Variants in SV2C observed in about 807,000 individuals in gnomAD.
SV2C encodes the protein solute carrier family 22 member B3.
Under a neutral mutation model 79.7 loss-of-function variants are expected in SV2C, and 49 were observed. The ratio of observed to expected loss-of-function variants is 0.61; its 90% CI spans 0.49 to 0.78. The LOEUF (loss-of-function observed/expected upper bound fraction) is 0.78. Among genes scored for constraint, SV2C ranks in the 30% least tolerant of loss-of-function variants. The pLI, the probability that SV2C is intolerant of heterozygous loss-of-function variation, is 0.00. For synonymous variants in SV2C, 334 were observed against 333.2 expected (o/e 1.00, Z -0.03); for missense variants, 833 against 912.9 (o/e 0.91, Z 1.13).
At chr5:75,881,523 A>C in the SV2C span, among the ~76,000 whole-genome samples, 2 of 152,042 alleles carry the variant, frequency 1.3e-5, no homozygotes, top group African/African-American at 4.8e-5. Context: ...ATCCCTTGTA[A>C]GTTGGATTCC....
At chr5:76,062,026 T>A in the SV2C span, among the ~76,000 whole-genome samples, 1 of 152,258 alleles carries the variant, frequency 6.6e-6, no homozygotes, top group Non-Finnish European at 1.5e-5. Flanking sequence ...TTCCTGATGT[T>A]TCTTTATCCC....
chr5:76,100,200 C>T (rs748546650), intron 1 of SV2C, among the ~76,000 whole-genome samples: 9 of 152,190 alleles, frequency 5.9e-5, no homozygotes, highest in Non-Finnish European at 1.2e-4. Flanking sequence ...TCCAGTTTGG[C>T]GACTTATTTG....
chr5:75,903,948 T>G, the SV2C span, among the ~76,000 whole-genome samples: 13 of 152,360 alleles, frequency 8.5e-5, no homozygotes, highest in Admixed American at 7.2e-4. Context: ...TGCATTCCTC[T>G]TTTATTCAAA....
the SV2C span, among the ~76,000 whole-genome samples, chr5:75,922,386 A>C: frequency 6.6e-6 from 1 of 152,162 alleles, no homozygotes. Flanking sequence ...AAATTAATAA[A>C]ATTAAATAAA....
the SV2C span, among the ~76,000 whole-genome samples, chr5:75,876,293 T>C: frequency 6.6e-6 from 1 of 152,154 alleles, no homozygotes; most frequent in Admixed American, 6.6e-5. Flanking sequence ...CTGGAGGCTA[T>C]TATCCTTAGC....
chr5:76,031,092 A>T, the SV2C span, among the ~76,000 whole-genome samples: 1 of 152,154 alleles, frequency 6.6e-6, no homozygotes, highest in South Asian at 2.1e-4. Context: ...TGCAGGTATG[A>T]TCTTTTGTTT....
At chr5:76,243,131 G>A (rs1198809695) in intron 4 of SV2C, among the ~76,000 whole-genome samples, 1 of 151,924 alleles carries the variant, frequency 6.6e-6, no homozygotes, top group Non-Finnish European at 1.5e-5. Context: ...CATGTAAAGA[G>A]GTTGGTGAGG....
chr5:75,907,698 A>G, the SV2C span, among the ~76,000 whole-genome samples: 1 of 152,278 alleles, frequency 6.6e-6, no homozygotes, highest in Non-Finnish European at 1.5e-5. Context: ...TAACCGAGAC[A>G]GATCCATTTT....
intron 4 of SV2C, among the ~76,000 whole-genome samples, chr5:76,262,625 A>G (rs1746512293): frequency 6.6e-6 from 1 of 152,188 alleles, no homozygotes; most frequent in East Asian, 1.9e-4. Flanking sequence ...ATTCTGGTAC[A>G]TTGTCTGTTT....
rs1434880281 is a variant in SV2C at position 76,125,070 on chromosome 5, C to T, written c.-101-6580C>T. 2.0e-5 allele frequency among the ~76,000 whole-genome samples: 3 copies of T among 152,010 alleles called. No homozygotes were observed. The East Asian group carries it at 5.8e-4, about 29-fold the overall frequency. On this transcript the variant is annotated intron_variant, in intron 1 of 12. Coordinates refer to ENST00000502798, the MANE Select transcript of SV2C (RefSeq NM_014979.4). ...TTTGGACAACTGCTGAGGTCTTTAC[C>T]CTGGTTTATGAGATCTATTCTTCAT...
chr5:76,263,510 T>A (rs979152484), intron 4 of SV2C, among the ~76,000 whole-genome samples: 1 of 152,180 alleles, frequency 6.6e-6, no homozygotes, highest in Non-Finnish European at 1.5e-5. Context: ...GTCATTATGA[T>A]GCTAGCTTGT....
intron 4 of SV2C, among the ~76,000 whole-genome samples, chr5:76,241,565 G>C (rs1372207018): frequency 6.6e-6 from 1 of 152,102 alleles, no homozygotes; most frequent in African/African-American, 2.4e-5. Flanking sequence ...GGCATCACTG[G>C]AAAGTCCAGA....
intron 2 of SV2C, among the ~76,000 whole-genome samples, chr5:76,158,553 A>C (rs889571592): frequency 1.3e-5 from 2 of 151,952 alleles, no homozygotes; most frequent in Admixed American, 6.6e-5. Flanking sequence ...ATGTGAAGTA[A>C]AAACTGACAA....
the SV2C span, among the ~76,000 whole-genome samples, chr5:75,900,391 C>A: frequency 1.3e-5 from 2 of 152,100 alleles, no homozygotes; most frequent in Admixed American, 1.3e-4. Context: ...GAATATTGGC[C>A]CCCACTGTCT....
chr5:75,993,706 G>C, the SV2C span, among the ~76,000 whole-genome samples: 1 of 152,004 alleles, frequency 6.6e-6, no homozygotes, highest in Non-Finnish European at 1.5e-5. Flanking sequence ...CTTTCCTTCA[G>C]GGAGGAGATT....
chr5:75,896,560 G>A, the SV2C span, among the ~76,000 whole-genome samples: 1 of 151,952 alleles, frequency 6.6e-6, no homozygotes, highest in African/African-American at 2.4e-5. Flanking sequence ...ATGATTTATA[G>A]TCCTTTGGGT....
intron 2 of SV2C, among the ~76,000 whole-genome samples, chr5:76,180,080 T>C (rs1239755058): frequency 6.6e-6 from 1 of 152,208 alleles, no homozygotes; most frequent in African/African-American, 2.4e-5. Context: ...CCATACACAA[T>C]CATGTTCCCA....
chr5:76,149,995 C>A (rs1393521141), intron 2 of SV2C, among the ~76,000 whole-genome samples: 1 of 152,118 alleles, frequency 6.6e-6, no homozygotes, highest in East Asian at 1.9e-4. Context: ...TCAGCAGAAT[C>A]TAGTTAGATC....
intron 1 of SV2C, among the ~76,000 whole-genome samples, chr5:76,101,066 A>C (rs755640615): frequency 1.3e-5 from 2 of 150,110 alleles, no homozygotes; most frequent in African/African-American, 2.4e-5. Flanking sequence ...AGGCCAAAAG[A>C]GGGAGATGCA....
Sources: gnomAD v4.1 joint callset for allele counts (sites outside exome capture counted in the v4.1 genomes callset) on GRCh38, gnomAD v4.1.1 for gene constraint, MANE v1.5 for transcripts, NCBI Gene and HGNC (gene_info 2026-07-23, HGNC 2026-07-21) for gene names.